Variants in ESRRB observed in about 807,000 individuals in gnomAD.
ESRRB encodes steroid hormone receptor ERR2.
A neutral mutation model predicts 46.0 loss-of-function variants in ESRRB; 16 were observed. The observed-to-expected ratio is 0.35, with a 90% CI of 0.24 to 0.53. The LOEUF (loss-of-function observed/expected upper bound fraction) is 0.53. Ranked by LOEUF, ESRRB falls within the 20% of genes least tolerant of loss-of-function variation. The probability of loss-of-function intolerance (pLI) is 0.93; values close to 1 mark genes in which losing one functional copy is unlikely to be tolerated. For missense variants in ESRRB, 488 were observed against 607.4 expected (o/e 0.80, Z 2.07); for synonymous variants, 246 against 259.6 (o/e 0.95, Z 0.50).
Position 76,491,419 on chromosome 14 carries a change from C to G in ESRRB, c.851-28C>G, listed in dbSNP as rs746191632. The G allele has an allele frequency of 3.1e-6, 5 of 1,605,592 alleles. No individual in the cohort carries two copies. In the African/African-American group the frequency reaches 5.3e-5, roughly 17 times the overall value. ...CCTGGTCCGCCCTCCTGACCTGCTG[C>G]TGCCCTCTGTGCCCCCTCTTCCTGC... is the stretch of plus-strand genomic sequence containing the variant. On this transcript the variant is annotated intron_variant, in intron 5 of 6. Coordinates refer to ENST00000644823, the MANE Select transcript of ESRRB (RefSeq NM_001379180.1).
At chr14:76,469,548 G>A (rs1015775891) in intron 3 of ESRRB, among the ~76,000 whole-genome samples, 3 of 152,082 alleles carry the variant, frequency 2.0e-5, no homozygotes, top group African/African-American at 7.2e-5. Flanking sequence ...TTTAAAAAAT[G>A]TTAAAAAAAT....
At chr14:76,354,706 CT>C (rs59146659) in intron 1 of ESRRB, among the ~76,000 whole-genome samples, 20,819 of 111,300 alleles carry the variant, frequency 0.19, 1,638 homozygotes, top group South Asian at 0.26. Context: ...AGGTCCTGGG[CT>C]TTTTTTTTTT....
At chr14:76,490,383 C>T (rs1311101312) in intron 5 of ESRRB, among the ~76,000 whole-genome samples, 5 of 152,198 alleles carry the variant, frequency 3.3e-5, no homozygotes, top group African/African-American at 1.2e-4. Context: ...TAATGCAATT[C>T]CAGTACATTA....
intron 1 of ESRRB, among the ~76,000 whole-genome samples, chr14:76,329,968 G>C (rs1242451968): frequency 1.3e-5 from 2 of 150,718 alleles, no homozygotes; most frequent in African/African-American, 4.9e-5. Flanking sequence ...GTGTGGGTGG[G>C]GGAGGGAGGG....
chr14:76,390,454 A>G (rs1885422085), intron 1 of ESRRB, among the ~76,000 whole-genome samples: 2 of 152,178 alleles, frequency 1.3e-5, no homozygotes, highest in Admixed American at 1.3e-4. Context: ...GCGCCACTGC[A>G]CTCCAGCCTG....
At chr14:76,457,619 T>G (rs903463497) in intron 2 of ESRRB, among the ~76,000 whole-genome samples, 1 of 152,232 alleles carries the variant, frequency 6.6e-6, no homozygotes, top group Non-Finnish European at 1.5e-5. Flanking sequence ...TGTTTGCCAG[T>G]GCCTGCACTT....
intron 1 of ESRRB, among the ~76,000 whole-genome samples, chr14:76,383,800 A>G (rs1885111097): frequency 6.6e-6 from 1 of 152,104 alleles, no homozygotes; most frequent in African/African-American, 2.4e-5. Flanking sequence ...TCAGCCATCA[A>G]TACCTTTATT....
chr14:76,431,709 G>A (rs1887454356), intron 1 of ESRRB, among the ~76,000 whole-genome samples: 1 of 152,134 alleles, frequency 6.6e-6, no homozygotes, highest in Non-Finnish European at 1.5e-5. Flanking sequence ...AAGGGGCTTC[G>A]ACCACTGACT....
chr14:76,360,057 G>T (rs528705075), intron 1 of ESRRB, among the ~76,000 whole-genome samples: 3 of 152,250 alleles, frequency 2.0e-5, no homozygotes, highest in South Asian at 2.1e-4. Flanking sequence ...GGTTGCCAGG[G>T]TCTAGTTTTC....
intron 1 of ESRRB, among the ~76,000 whole-genome samples, chr14:76,380,759 C>G (rs1474564468): frequency 2.0e-5 from 3 of 152,162 alleles, no homozygotes; most frequent in African/African-American, 4.8e-5. Flanking sequence ...GGAGCCCCAG[C>G]TTGACTTGAA....
intron 2 of ESRRB, among the ~76,000 whole-genome samples, chr14:76,452,633 A>AAAAACC (rs1384993922): frequency 1.4e-5 from 1 of 69,444 alleles, no homozygotes; most frequent in Non-Finnish European, 2.7e-5. Context: ...AAAAAAAAAC[A>AAAAACC]AAACAAAAAC....
intron 1 of ESRRB, among the ~76,000 whole-genome samples, chr14:76,357,917 G>A (rs1187761521): frequency 6.6e-6 from 1 of 152,122 alleles, no homozygotes; most frequent in African/African-American, 2.4e-5. Context: ...TGTGCAGAAG[G>A]GAATGAGCAA....
rs752326145 is a variant in ESRRB, at chr14:76,482,491, C to T, written c.689-107C>T. 1.5e-4 allele frequency: 178 copies of T among 1,156,054 alleles called. No homozygotes were observed. Among genetic ancestry groups the T allele is most frequent in the Non-Finnish European group, 3.6e-5 (28 of 778,896 alleles). The allele number at this position is 1,156,054 out of a possible 1,614,324, so 71.6% of individuals were successfully genotyped here. A position where few individuals can be genotyped will look rare whatever the true frequency, so the allele number is the denominator to read the frequency against. On this transcript the variant is annotated intron_variant, in intron 4 of 6. Coordinates refer to ENST00000644823, the MANE Select transcript of ESRRB (RefSeq NM_001379180.1). The surrounding 1 kb of genome is among the most constrained non-coding windows in gnomAD (Gnocchi z 4.3). ...GGGAGATTATAGCCGCTTTGACCTT[C>T]CTGGAGCTCTTAGGAACCCAACTTT...
chr14:76,499,618 C>T lies in ESRRB; in HGVS notation c.*1160C>T. On this transcript the variant is annotated 3_prime_UTR_variant, in exon 7 of 7. Coordinates refer to ENST00000644823, the MANE Select transcript of ESRRB (RefSeq NM_001379180.1). ...GGGGTGCCCTCCTACCACACTTGGG[C>T]TACCAGAGGTTTGGTGTAGCTCCCC... The T allele has an allele frequency of 1.7e-6, 1 of 571,602 alleles. No homozygotes were observed. The highest frequency in any genetic ancestry group is 3.2e-6 in the Non-Finnish European group (1 of 316,428). 35.4% of individuals were successfully genotyped at this position (571,602 alleles called of 1,614,324 possible). A position where few individuals can be genotyped will look rare whatever the true frequency, so the allele number is the denominator to read the frequency against.
chr14:76,393,618 G>A (rs761719143), intron 1 of ESRRB, among the ~76,000 whole-genome samples: 1 of 152,136 alleles, frequency 6.6e-6, no homozygotes, highest in Non-Finnish European at 1.5e-5. Context: ...TCCCCTGGTC[G>A]GTGCCCAGGT....
intron 2 of ESRRB, among the ~76,000 whole-genome samples, chr14:76,459,275 G>A (rs1366689023): frequency 6.6e-6 from 1 of 152,076 alleles, no homozygotes; most frequent in African/African-American, 2.4e-5. Context: ...CCCCGTGTGT[G>A]CGCATTGAGC....
chr14:76,486,977 T>A (rs1251880815), intron 5 of ESRRB, among the ~76,000 whole-genome samples: 2 of 152,220 alleles, frequency 1.3e-5, no homozygotes, highest in Admixed American at 6.5e-5. Flanking sequence ...TAAAAGAATC[T>A]GTGGTTTTAG....
chr14:76,461,674 A>G (rs1888868736), intron 2 of ESRRB, among the ~76,000 whole-genome samples: 1 of 151,846 alleles, frequency 6.6e-6, no homozygotes, highest in South Asian at 2.1e-4. Flanking sequence ...ACACCTGGCT[A>G]ATTTTTTTGT....
At chr14:76,433,929 T>C (rs991359463) in intron 1 of ESRRB, among the ~76,000 whole-genome samples, 8 of 151,952 alleles carry the variant, frequency 5.3e-5, no homozygotes, top group Non-Finnish European at 1.2e-4. Context: ...TTCTCTGTCT[T>C]CTTGGACTTC....
Sources: allele counts gnomAD v4.1 joint callset (sites outside exome capture counted in the v4.1 genomes callset), GRCh38; gene constraint gnomAD v4.1.1; non-coding constraint Gnocchi (gnomAD v3.1); transcripts MANE v1.5; gene names NCBI Gene and HGNC (gene_info 2026-07-23, HGNC 2026-07-21).